Variants in ATAD2B observed in about 807,000 individuals in gnomAD.
ATAD2B encodes ATPase family AAA domain containing 2B, also known as ATPase family AAA domain-containing protein 2B.
In ATAD2B, 40 loss-of-function variants were observed where a neutral mutation model predicts 167.6. The ratio of observed to expected loss-of-function variants is 0.24; its 90% confidence interval spans 0.19 to 0.31. ATAD2B has a LOEUF of 0.31. ATAD2B is among the 10% of genes least tolerant of loss of function. The probability of loss-of-function intolerance (pLI) is 1.00; values close to 1 mark genes in which losing one functional copy is unlikely to be tolerated. For synonymous variants in ATAD2B, 579 were observed against 596.5 expected (o/e 0.97, Z 0.43); for missense variants, 1,242 against 1,757.2 (o/e 0.71, Z 5.24).
chr2:23,742,189 T>C, the ATAD2B span, among the ~76,000 whole-genome samples: 2 of 152,266 alleles, frequency 1.3e-5, no homozygotes, highest in East Asian at 3.9e-4. Context: ...TTTGACCCAG[T>C]CATCCCATTA....
At chr2:23,924,034 T>A (rs1358895852) in intron 1 of ATAD2B, among the ~76,000 whole-genome samples, 4 of 151,930 alleles carry the variant, frequency 2.6e-5, no homozygotes, top group Admixed American at 2.0e-4. Context: ...TACAAAAAAA[T>A]TAGCCGGGCG....
chr2:23,741,903 A>C, the ATAD2B span, among the ~76,000 whole-genome samples: 1 of 152,260 alleles, frequency 6.6e-6, no homozygotes, highest in Admixed American at 6.5e-5. Flanking sequence ...GAACATGAAC[A>C]GACACTTCTC....
rs775364068 is a variant in ATAD2B at position 23,885,695 on chromosome 2, T to A, written c.675+32A>T. On this transcript the variant is annotated intron_variant, in intron 5 of 27. Coordinates refer to ENST00000238789, the MANE Select transcript of ATAD2B (RefSeq NM_017552.4). ...AATTCCTCAATTAAAATGAAAAATA[T>A]TTACAAAGATTGCTACAGCTAATAT... is the stretch of plus-strand genomic sequence containing the variant. 3 of 1,300,888 alleles carry A rather than the reference T, an allele frequency of 2.3e-6. No homozygotes were observed. The Admixed American group carries it at 6.8e-5, about 29-fold the overall frequency. The allele number at this position is 1,300,888 out of a possible 1,614,324, so 80.6% of individuals were successfully genotyped here.
the ATAD2B span, among the ~76,000 whole-genome samples, chr2:23,727,334 T>C: frequency 1.3e-5 from 2 of 152,320 alleles, no homozygotes. Flanking sequence ...CTCAACGTCA[T>C]ATGTCATTAG....
the ATAD2B span, chr2:23,696,832 A>C: frequency 3.7e-6 from 1 of 270,398 alleles, no homozygotes; most frequent in Non-Finnish European, 7.0e-6. The surrounding 1 kb of genome is among the most constrained non-coding windows in gnomAD (Gnocchi z 5.5). Context: ...GATGAGCCAG[A>C]CCCTCCTGGC....
At chr2:23,822,817 C>G (rs1687655174) in intron 16 of ATAD2B, among the ~76,000 whole-genome samples, 2 of 145,838 alleles carry the variant, frequency 1.4e-5, no homozygotes, top group South Asian at 4.4e-4. Flanking sequence ...ACTCAGGAGG[C>G]TGAGGCAGGA....
chr2:23,754,408 T>A, intron 26 of ATAD2B, 101 bp from the exon 27 acceptor site: 1 of 1,275,556 alleles, frequency 7.8e-7, no homozygotes, highest in Non-Finnish European at 1.1e-6. Flanking sequence ...AAAGCGAGGA[T>A]GTAACAGTGA....
At chr2:23,699,141 C>T in the ATAD2B span, among the ~76,000 whole-genome samples, 29 of 152,230 alleles carry the variant, frequency 1.9e-4, no homozygotes, top group Non-Finnish European at 3.2e-4. Context: ...CACAACTGGA[C>T]GTCACATCAC....
chr2:23,704,504 C>T, the ATAD2B span, among the ~76,000 whole-genome samples: 1 of 152,224 alleles, frequency 6.6e-6, no homozygotes, highest in Non-Finnish European at 1.5e-5. Flanking sequence ...CAGTGGCTCA[C>T]ACCTGTAATC....
the ATAD2B span, among the ~76,000 whole-genome samples, chr2:23,705,416 TGG>T: frequency 6.6e-6 from 1 of 151,422 alleles, no homozygotes. Flanking sequence ...TGCTTGAACC[TGG>T]GAGGCGGAGG....
chr2:23,839,023 T>C (rs947047706), intron 13 of ATAD2B, among the ~76,000 whole-genome samples: 5 of 152,166 alleles, frequency 3.3e-5, no homozygotes, highest in African/African-American at 7.2e-5. Flanking sequence ...GACTTACTCA[T>C]AGAAACTTTT....
intron 18 of ATAD2B, among the ~76,000 whole-genome samples, chr2:23,809,502 A>G (rs1182281688): frequency 6.6e-6 from 1 of 152,164 alleles, no homozygotes; most frequent in Non-Finnish European, 1.5e-5. Context: ...TGTAACTGGG[A>G]AAAAAACAAC....
At chr2:23,693,513 C>A in the ATAD2B span, 14,688 of 1,550,492 alleles carry the variant, frequency 9.5e-3, 90 homozygotes, top group Middle Eastern at 0.024. Context: ...AGAAGGACCC[C>A]GCGACACGCA....
the ATAD2B span, among the ~76,000 whole-genome samples, chr2:23,683,915 G>A: frequency 6.6e-6 from 1 of 152,194 alleles, no homozygotes; most frequent in South Asian, 2.1e-4. Flanking sequence ...AAGGGACGCT[G>A]TTTTTGCAGG....
intron 13 of ATAD2B, among the ~76,000 whole-genome samples, chr2:23,834,432 G>A (rs1044226643): frequency 1.3e-5 from 2 of 151,930 alleles, no homozygotes; most frequent in Non-Finnish European, 2.9e-5. Flanking sequence ...AAAGTGCTGG[G>A]ATTACGGACG....
chr2:23,739,705 CATA>C, the ATAD2B span, among the ~76,000 whole-genome samples: 2 of 152,122 alleles, frequency 1.3e-5, no homozygotes, highest in East Asian at 3.8e-4. Context: ...AAGATCAGAG[CATA>C]ACTGAAGGAA....
chr2:23,765,412 T>G, intron 23 of ATAD2B, 94 bp downstream of exon 23: 2 of 1,041,328 alleles, frequency 1.9e-6, no homozygotes, highest in Non-Finnish European at 1.3e-6. Flanking sequence ...ATTACTTTCA[T>G]AATACCAGCA....
At chr2:23,752,230 T>C (rs1572618061) in intron 27 of ATAD2B, 143 bp from the exon 28 acceptor site, 3 of 653,324 alleles carry the variant, frequency 4.6e-6, no homozygotes, top group Non-Finnish European at 8.2e-6. Flanking sequence ...TATAATACCA[T>C]AGGTAATTAA....
rs566993353 is a variant in ATAD2B at position 23,868,016 on chromosome 2, C to T, written c.1077-70G>A. The T allele has an allele frequency of 6.8e-4, 689 of 1,012,178 alleles. 1 individual carries two copies. Among genetic ancestry groups the T allele is most frequent in the Non-Finnish European group, 7.9e-4 (516 of 651,488 alleles). The allele number at this position is 1,012,178 out of a possible 1,614,324, so 62.7% of individuals were successfully genotyped here. A position where few individuals can be genotyped will look rare whatever the true frequency, so the allele number is the denominator to read the frequency against. On this transcript the variant is annotated intron_variant, in intron 9 of 27. Coordinates refer to ENST00000238789, the MANE Select transcript of ATAD2B (RefSeq NM_017552.4). ...CATTTTTAATGTCAAAATAAGTTTA[C>T]ATTCTTTGATGTGTCTTCATCTTTC... is the stretch of plus-strand genomic sequence containing the variant.
Sources: gnomAD v4.1 joint callset for allele counts (sites outside exome capture counted in the v4.1 genomes callset) on GRCh38, gnomAD v4.1.1 for gene constraint, Gnocchi (gnomAD v3.1) non-coding constraint, MANE v1.5 for transcripts, NCBI Gene and HGNC (gene_info 2026-07-23, HGNC 2026-07-21) for gene names.